Variants in NXPH1 observed in about 807,000 individuals in gnomAD.
NXPH1 encodes the protein neurexophilin 1.
NXPH1 carries 5 observed loss-of-function variants against 23.7 expected under a neutral mutation model. The ratio of observed to expected loss-of-function variants is 0.21; its 90% CI spans 0.11 to 0.44. The LOEUF (loss-of-function observed/expected upper bound fraction) is 0.44. NXPH1 is among the 20% of genes least tolerant of loss of function. The probability of loss-of-function intolerance (pLI) is 0.99; values close to 1 mark genes in which losing one functional copy is unlikely to be tolerated. For synonymous variants in NXPH1, 144 were observed against 122.2 expected (o/e 1.18, Z -1.18); for missense variants, 324 against 321.6 (o/e 1.01, Z -0.06).
At chr7:8,728,844 C>T (rs1420605371) in intron 2 of NXPH1, among the ~76,000 whole-genome samples, 1 of 152,128 alleles carries the variant, frequency 6.6e-6, no homozygotes, top group East Asian at 1.9e-4. Flanking sequence ...CAGGATGATG[C>T]TGGCCTCATA....
At chr7:8,619,123 T>C (rs1182313792) in intron 2 of NXPH1, among the ~76,000 whole-genome samples, 1 of 152,174 alleles carries the variant, frequency 6.6e-6, no homozygotes, top group Non-Finnish European at 1.5e-5. Context: ...TTTAGGATTA[T>C]GTCTGCCCTG....
At chr7:8,706,036 T>A (rs1196617900) in intron 2 of NXPH1, among the ~76,000 whole-genome samples, 5 of 152,144 alleles carry the variant, frequency 3.3e-5, no homozygotes, top group Non-Finnish European at 7.4e-5. Flanking sequence ...GACATAATAA[T>A]ATTTGATGTA....
chr7:8,466,297 G>A lies in NXPH1; in HGVS notation c.54+30530G>A, dbSNP rs1244871322. ...ATGGAGTTGATATATTAAATACAAC[G>A]CTAGTCTGTATACAAGATGGACACT... On this transcript the variant is annotated intron_variant, in intron 2 of 2. Transcript: ENST00000405863. 5.3e-5 allele frequency among the ~76,000 whole-genome samples: 8 copies of A among 152,112 alleles called. No homozygotes were observed. The East Asian group carries it at 7.7e-4, about 15-fold the overall frequency.
chr7:8,468,910 G>C (rs1313012217), intron 2 of NXPH1, among the ~76,000 whole-genome samples: 2 of 151,984 alleles, frequency 1.3e-5, no homozygotes, highest in East Asian at 3.8e-4. Flanking sequence ...TTCTGGAAAA[G>C]TATATAAGGC....
intron 2 of NXPH1, among the ~76,000 whole-genome samples, chr7:8,692,688 G>A (rs1489831120): frequency 1.3e-5 from 2 of 152,016 alleles, no homozygotes; most frequent in African/African-American, 2.4e-5. Flanking sequence ...ATATTGACTG[G>A]GTGCTTTGTG....
intron 2 of NXPH1, among the ~76,000 whole-genome samples, chr7:8,528,028 G>C (rs1281756947): frequency 6.6e-6 from 1 of 152,204 alleles, no homozygotes; most frequent in East Asian, 1.9e-4. Context: ...TTCTGTAGCT[G>C]ATAAAACTCA....
intron 2 of NXPH1, among the ~76,000 whole-genome samples, chr7:8,658,892 TAATG>T (rs911494537): frequency 9.9e-5 from 15 of 152,066 alleles, no homozygotes; most frequent in Non-Finnish European, 2.1e-4. Flanking sequence ...CTAAAAGAAA[TAATG>T]AATTATATGC....
Position 8,688,408 on chromosome 7 carries a change from G to C in NXPH1, c.55-62600G>C, listed in dbSNP as rs559769448. 1.2e-4 allele frequency among the ~76,000 whole-genome samples: 18 copies of C among 152,158 alleles called. No homozygotes were observed. In the East Asian group the frequency reaches 3.5e-3, roughly 29 times the overall value. ...TGTAGTATATATCTGGGTAAATGTG[G>C]TTCTTATTTTTTTCTGTTACTGTAA... On this transcript the variant is annotated intron_variant, in intron 2 of 2. Transcript: ENST00000405863.
intron 2 of NXPH1, among the ~76,000 whole-genome samples, chr7:8,602,470 T>G (rs1320756769): frequency 6.6e-6 from 1 of 152,178 alleles, no homozygotes; most frequent in Non-Finnish European, 1.5e-5. Flanking sequence ...GGGTACTGGG[T>G]TCCTTTGTCT....
chr7:8,637,806 AG>A (rs1175776165), intron 2 of NXPH1, among the ~76,000 whole-genome samples: 1 of 152,210 alleles, frequency 6.6e-6, no homozygotes, highest in Non-Finnish European at 1.5e-5. Flanking sequence ...GGTTTAAGTC[AG>A]GAAATAAATA....
intron 2 of NXPH1, among the ~76,000 whole-genome samples, chr7:8,624,578 A>G (rs1235581610): frequency 1.3e-5 from 2 of 152,142 alleles, no homozygotes; most frequent in Non-Finnish European, 2.9e-5. Flanking sequence ...AGATAGTGTC[A>G]TGTGGAGAAG....
chr7:8,537,868 T>C (rs545901996), intron 2 of NXPH1, among the ~76,000 whole-genome samples: 14 of 152,060 alleles, frequency 9.2e-5, no homozygotes, highest in African/African-American at 2.4e-4. Flanking sequence ...GACCTTACTT[T>C]TTATATTTTC....
At position 8,609,385 on chromosome 7, in the gene NXPH1, A is replaced by C. The variant is rs577896837; in HGVS notation, c.55-141623A>C. Among the ~76,000 whole-genome samples the C allele has an allele frequency of 3.3e-5, 5 of 152,290 alleles. No individual in the cohort carries two copies. The East Asian group carries it at 5.8e-4, about 18-fold the overall frequency. On this transcript the variant is annotated intron_variant, in intron 2 of 2. Coordinates refer to ENST00000405863, the MANE Select transcript of NXPH1 (RefSeq NM_152745.3). ...TAACAATCAAGAAACAGTCTAAAAAACTGGCAATGGAAGAAAGAATGAAGA... is the reference window on the plus strand; with the variant it reads ...TAACAATCAAGAAACAGTCTAAAAACCTGGCAATGGAAGAAAGAATGAAGA...
intron 2 of NXPH1, among the ~76,000 whole-genome samples, chr7:8,685,718 C>G (rs1821135998): frequency 6.6e-6 from 1 of 151,916 alleles, no homozygotes; most frequent in Non-Finnish European, 1.5e-5. Flanking sequence ...AATTTACATT[C>G]CCACCAATTG....
chr7:8,651,928 T>G (rs1820497245), intron 2 of NXPH1, among the ~76,000 whole-genome samples: 1 of 152,190 alleles, frequency 6.6e-6, no homozygotes. Flanking sequence ...AAGATACTTT[T>G]TCCTACTTTG....
At chr7:8,599,491 T>G (rs1236674178) in intron 2 of NXPH1, among the ~76,000 whole-genome samples, 1 of 152,168 alleles carries the variant, frequency 6.6e-6, no homozygotes, top group Non-Finnish European at 1.5e-5. Flanking sequence ...GCTTAGTGTA[T>G]GAGGTCTGCC....
chr7:8,444,724 C>A (rs1816367021), intron 2 of NXPH1, among the ~76,000 whole-genome samples: 2 of 152,208 alleles, frequency 1.3e-5, no homozygotes, highest in South Asian at 4.1e-4. Flanking sequence ...GCTCGCCCCT[C>A]CCTTATAACA....
At chr7:8,508,881 C>A (rs1307382365) in intron 2 of NXPH1, among the ~76,000 whole-genome samples, 1 of 151,994 alleles carries the variant, frequency 6.6e-6, no homozygotes, top group African/African-American at 2.4e-5. Context: ...AATTTTATGC[C>A]TATGGTCATT....
At chr7:8,523,324 A>G (rs1250282038) in intron 2 of NXPH1, among the ~76,000 whole-genome samples, 3 of 152,222 alleles carry the variant, frequency 2.0e-5, no homozygotes, top group African/African-American at 7.2e-5. Flanking sequence ...CTCTTCTGGC[A>G]CCTGTATATT....
Sources: allele counts gnomAD v4.1 joint callset (sites outside exome capture counted in the v4.1 genomes callset), GRCh38; gene constraint gnomAD v4.1.1; transcripts MANE v1.5; gene names NCBI Gene and HGNC (gene_info 2026-07-23, HGNC 2026-07-21).